The following MED12L variants were observed in gnomAD, a reference collection of about 807,000 sequenced individuals.
MED12L encodes the protein mediator of RNA polymerase II transcription subunit 12-like protein.
MED12L carries 60 observed loss-of-function variants against 281.3 expected under a neutral mutation model. The ratio of observed to expected loss-of-function variants is 0.21; its 90% CI spans 0.17 to 0.26. The LOEUF (loss-of-function observed/expected upper bound fraction) is 0.26, where lower values mean the gene tolerates loss of function less well. Among genes scored for constraint, MED12L ranks in the 10% least tolerant of loss-of-function variants. The probability of loss-of-function intolerance (pLI) is 1.00; values close to 1 mark genes in which losing one functional copy is unlikely to be tolerated. For missense variants in MED12L, 2,146 were observed against 2,680.9 expected (o/e 0.80, Z 4.41); for synonymous variants, 974 against 987.2 (o/e 0.99, Z 0.25).
chr3:151,174,966 A>G (rs540431655), intron 11 of MED12L, among the ~76,000 whole-genome samples: 1 of 152,342 alleles, frequency 6.6e-6, no homozygotes, highest in East Asian at 1.9e-4. Context: ...ACAGGTGACC[A>G]TGTCTGGGCC....
chr3:151,357,325 A>G lies in MED12L; in HGVS notation c.2774A>G (p.Tyr925Cys), dbSNP rs1319484477. 1.2e-6 allele frequency: 2 copies of G among 1,613,848 alleles called. No homozygotes were observed. The highest frequency in any genetic ancestry group is 8.5e-7 in the Non-Finnish European group (1 of 1,179,842). Reference protein sequence around the residue: ...CVCIVAVLRRYHSCLILNPDQ... With the variant: ...CVCIVAVLRRCHSCLILNPDQ... The stretch of plus-strand genomic sequence containing the variant: ...TGCATCGTGGCTGTTCTCAGGCGCT[A>G]TCACAGTTGTCTAATCTTGAATCCT... Residue 925 changes from tyrosine (Y) to cysteine (C), a missense_variant, in exon 20 of 45, where the codon TAT becomes TGT. Physicochemically the swap from Tyr to Cys is radical, Grantham distance 194. This residue lies in a region of MED12L where 404 missense variants were observed against 603.5 expected (regional missense o/e 0.67). Coordinates refer to ENST00000687756, the MANE Select transcript of MED12L (RefSeq NM_001393769.1).
chr3:151,249,609 C>T (rs148871259), intron 16 of MED12L, among the ~76,000 whole-genome samples: 134 of 152,268 alleles, frequency 8.8e-4, no homozygotes, highest in Middle Eastern at 3.4e-3. Flanking sequence ...GGACTTGATG[C>T]ATGCCAGTAC....
chr3:151,153,832 G>T (rs1331861212), intron 5 of MED12L, among the ~76,000 whole-genome samples: 5 of 152,150 alleles, frequency 3.3e-5, no homozygotes, highest in Non-Finnish European at 5.9e-5. Flanking sequence ...GCCTCCCAAA[G>T]TGCTAGGATT....
intron 39 of MED12L, among the ~76,000 whole-genome samples, chr3:151,395,410 T>A (rs1714833237): frequency 6.6e-6 from 1 of 152,220 alleles, no homozygotes; most frequent in Admixed American, 6.5e-5. Context: ...TTCAATTTAA[T>A]TCTTGATTTA....
chr3:151,348,818 G>A (rs1369718069), intron 16 of MED12L, among the ~76,000 whole-genome samples: 2 of 152,188 alleles, frequency 1.3e-5, no homozygotes, highest in Non-Finnish European at 2.9e-5. Flanking sequence ...CGCTACAGAA[G>A]CAATATGCTA....
chr3:151,164,098 G>A, intron 9 of MED12L, 56 bp downstream of exon 9: 1 of 1,577,350 alleles, frequency 6.3e-7, no homozygotes, highest in Non-Finnish European at 8.7e-7. Flanking sequence ...CAGGCATCAG[G>A]GCACAGTGGG....
intron 16 of MED12L, among the ~76,000 whole-genome samples, chr3:151,321,606 C>T (rs938159106): frequency 3.9e-5 from 6 of 151,956 alleles, no homozygotes; most frequent in African/African-American, 7.3e-5. Flanking sequence ...ACACATTTAA[C>T]GTTTAAACTG....
intron 16 of MED12L, among the ~76,000 whole-genome samples, chr3:151,289,979 C>G (rs1274128629): frequency 6.6e-6 from 1 of 151,914 alleles, no homozygotes; most frequent in Non-Finnish European, 1.5e-5. Flanking sequence ...CTCCCAGGTT[C>G]ACCCGGGTTT....
chr3:151,427,635 T>G (rs1719022831), intron 43 of MED12L, among the ~76,000 whole-genome samples: 1 of 152,260 alleles, frequency 6.6e-6, no homozygotes, highest in Admixed American at 6.5e-5. Context: ...TCAATCAGCT[T>G]AGACATCTTT....
chr3:151,238,904 T>C (rs1733481577), intron 16 of MED12L, among the ~76,000 whole-genome samples: 1 of 152,226 alleles, frequency 6.6e-6, no homozygotes, highest in African/African-American at 2.4e-5. Flanking sequence ...GGAACACCAT[T>C]TTTACTTGAT....
chr3:151,382,790 AT>A (rs769604656), intron 33 of MED12L, 45 bp downstream of exon 33: 1 of 1,458,510 alleles, frequency 6.9e-7, no homozygotes, highest in East Asian at 2.4e-5. Flanking sequence ...ACATATTTAC[AT>A]GTGAAAATAC....
chr3:151,182,599 ACTGAGGC>A (rs1489552812), intron 11 of MED12L, among the ~76,000 whole-genome samples: 9 of 152,140 alleles, frequency 5.9e-5, no homozygotes, highest in Non-Finnish European at 1.0e-4. Context: ...GGCTGCCAAC[ACTGAGGC>A]CCGAGGTGGA....
Position 151,424,575 on chromosome 3 carries a change from T to C in MED12L, c.6409-5724T>C, listed in dbSNP as rs372275984. On this transcript the variant is annotated intron_variant, in intron 43 of 44. Transcript: ENST00000687756. ...GGCGGAGCTTGCAGTGAGCCGAGATTGCGCCACTGCACTGTAGCCTGGACG... is the reference window on the plus strand; with the variant it reads ...GGCGGAGCTTGCAGTGAGCCGAGATCGCGCCACTGCACTGTAGCCTGGACG... Among the ~76,000 whole-genome samples the C allele has an allele frequency of 2.2e-4, 34 of 152,128 alleles. No individual in the cohort carries two copies. The East Asian group carries it at 2.5e-3, about 11-fold the overall frequency.
chr3:151,143,446 C>T (rs1023720857), intron 5 of MED12L, among the ~76,000 whole-genome samples: 2 of 152,220 alleles, frequency 1.3e-5, no homozygotes, highest in African/African-American at 4.8e-5. Flanking sequence ...TTTTGCTCCT[C>T]AGATGATTGG....
rs753280333 is a variant in MED12L, at chr3:151,159,930, C to T, written c.936C>T (p.Leu312=). 3.1e-6 allele frequency: 5 copies of T among 1,614,098 alleles called. No homozygotes were observed. Among genetic ancestry groups the T allele is most frequent in the Non-Finnish European group, 1.7e-6 (2 of 1,180,046 alleles). Reference sequence around the variant, plus strand: ...TGCTGCTGAGCGATAGCCCCAACCTCCTTGCTGCCCACTCACCCCACATGA... The same window carrying T: ...TGCTGCTGAGCGATAGCCCCAACCTTCTTGCTGCCCACTCACCCCACATGA... ...LSLLLSDSPN[L]LAAHSPHMMI... Residue 312 remains leucine, a synonymous_variant, in exon 8 of 45, where the codon CTC becomes CTT. Coordinates refer to ENST00000687756, the MANE Select transcript of MED12L (RefSeq NM_001393769.1).
intron 20 of MED12L, among the ~76,000 whole-genome samples, chr3:151,360,021 A>G (rs1004097304): frequency 1.3e-5 from 2 of 152,174 alleles, no homozygotes; most frequent in Non-Finnish European, 2.9e-5. Context: ...CAAACCATGA[A>G]CTGCTTATGC....
intron 16 of MED12L, among the ~76,000 whole-genome samples, chr3:151,276,692 G>A (rs774583120): frequency 2.0e-5 from 3 of 152,158 alleles, no homozygotes; most frequent in Non-Finnish European, 4.4e-5. Context: ...CTAGGGAGCC[G>A]TGTTCTTCTT....
Position 151,433,786 on chromosome 3 carries a change from T to TTTA in MED12L, c.*985_*987dup, listed in dbSNP as rs1719792685. The TTTA allele has an allele frequency of 6.6e-6, 1 of 152,598 alleles. No homozygotes were observed. The highest frequency in any genetic ancestry group is 6.5e-5 in the Admixed American group (1 of 15,280). 9.5% of individuals were successfully genotyped at this position (152,598 alleles called of 1,614,324 possible). ...GTTTTCATAAAAGGTGTATTTGCTG[T>TTTA]TTATTTTGTATGGTAAGTATTTGCT... On this transcript the variant is annotated 3_prime_UTR_variant, in exon 45 of 45. Transcript: ENST00000687756.
At chr3:151,091,362 A>G (rs1352691360) in intron 2 of MED12L, among the ~76,000 whole-genome samples, 1 of 152,210 alleles carries the variant, frequency 6.6e-6, no homozygotes. Context: ...AGGCTGGTTG[A>G]AACAGATTGC....
Sources: gnomAD v4.1 joint callset for allele counts (sites outside exome capture counted in the v4.1 genomes callset) on GRCh38, gnomAD v4.1.1 for gene constraint, gnomAD v4.1.1 regional missense constraint, MANE v1.5 for transcripts, NCBI Gene and HGNC (gene_info 2026-07-23, HGNC 2026-07-21) for gene names.